The following CTR9 variants were observed in gnomAD, a reference collection of about 807,000 sequenced individuals.
CTR9 encodes the protein RNA polymerase-associated protein CTR9 homolog.
In CTR9, 41 loss-of-function variants were observed where a neutral mutation model predicts 152.1. The ratio of observed to expected loss-of-function variants is 0.27; its 90% CI spans 0.21 to 0.35. The LOEUF (loss-of-function observed/expected upper bound fraction) is 0.35, where lower values mean the gene tolerates loss of function less well. CTR9 is among the 10% of genes least tolerant of loss of function. The pLI is 1.00. For missense variants in CTR9, 917 were observed against 1,424.4 expected (o/e 0.64, Z 5.73); for synonymous variants, 476 against 496.2 (o/e 0.96, Z 0.54).
At chr11:10,760,782 T>G (rs1301546441) in intron 6 of CTR9, among the ~76,000 whole-genome samples, 2 of 152,108 alleles carry the variant, frequency 1.3e-5, no homozygotes, top group African/African-American at 2.4e-5. Context: ...GGTCTCAAAT[T>G]TGATAGGTCC....
chr11:10,769,022 A>G (rs1466737311), intron 16 of CTR9, among the ~76,000 whole-genome samples: 2 of 152,122 alleles, frequency 1.3e-5, no homozygotes, highest in Non-Finnish European at 2.9e-5. Context: ...GGAGTTCGAG[A>G]CCAGCCTGGC....
Position 10,763,933 on chromosome 11 carries a change from C to G in CTR9, c.1194+54C>G, listed in dbSNP as rs866714233. ...TTTTCTGTTAGCTGTCCCAAAACTC[C>G]CATTTCTCATTTCCTGTTATTGCTA... On this transcript the variant is annotated intron_variant, in intron 9 of 24. Transcript: ENST00000361367. The G allele has an allele frequency of 6.3e-6, 9 of 1,421,642 alleles. No individual in the cohort carries two copies. In the Middle Eastern group the frequency reaches 1.5e-3, roughly 231 times the overall value. The allele number at this position is 1,421,642 out of a possible 1,614,324, so 88.1% of individuals were successfully genotyped here. A position where few individuals can be genotyped will look rare whatever the true frequency, so the allele number is the denominator to read the frequency against.
At position 10,772,656 on chromosome 11, in the gene CTR9, G is replaced by A; in HGVS notation, c.2580+1G>A. ...AAGGCAGAAACTTCTTAAAGAACAG[G>A]TATCTTGTATTTTCCAGTTATACTG... On this transcript the variant is annotated splice_donor_variant, in intron 20 of 24. Transcript: ENST00000361367. LOFTEE classifies it high-confidence loss of function. 6.3e-7 allele frequency: 1 copy of A among 1,591,538 alleles called. No homozygotes were observed. Among genetic ancestry groups the A allele is most frequent in the Non-Finnish European group, 8.5e-7 (1 of 1,171,892 alleles).
intron 5 of CTR9, among the ~76,000 whole-genome samples, chr11:10,759,267 G>C (rs1045772976): frequency 6.6e-6 from 1 of 152,208 alleles, no homozygotes; most frequent in Non-Finnish European, 1.5e-5. Flanking sequence ...TAGGGTAAGT[G>C]CATTGTCTTT....
At chr11:10,769,247 A>G (rs1019859180) in intron 16 of CTR9, among the ~76,000 whole-genome samples, 47 of 152,182 alleles carry the variant, frequency 3.1e-4, no homozygotes, top group African/African-American at 1.1e-3. Flanking sequence ...AAAGAAAACA[A>G]AACAGCGATA....
In CTR9 at chr11:10,767,869, G is replaced by C; in HGVS notation, c.1750G>C (p.Gly584Arg). 6.2e-7 allele frequency: 1 copy of C among 1,614,030 alleles called. No homozygotes were observed. Among genetic ancestry groups the C allele is most frequent in the Non-Finnish European group, 8.5e-7 (1 of 1,179,980 alleles). ...LHLAKQEWGP[G>R]QKKFERILKQ... is the part of the protein sequence containing the mutation. ...TTTGGCAAAACAAGAATGGGGTCCT[G>C]GGCAGAAGAAGTTTGAGAGGATATT... Residue 584 changes from glycine to arginine, a missense_variant, in exon 14 of 25, where the codon GGG (glycine) becomes CGG (arginine). Around this residue, in one of 9 missense-constraint regions of CTR9, gnomAD observed 87 missense variants for 235.7 expected, o/e 0.37. Transcript: ENST00000361367. This position sits in a 1 kb window ranked among gnomAD's most constrained non-coding sequence, Gnocchi z 4.0.
Position 10,764,689 on chromosome 11 carries a change from C to T in CTR9, c.1555C>T (p.Leu519=), listed in dbSNP as rs777109871. 2.5e-6 allele frequency: 4 copies of T among 1,611,896 alleles called. No homozygotes were observed. Among genetic ancestry groups the T allele is most frequent in the Non-Finnish European group, 2.5e-6 (3 of 1,178,326 alleles). The change falls in exon 12 of 25, where the codon CTG becomes TTG. Residue 519 remains leucine (L), a synonymous_variant. Transcript: ENST00000361367. ...GTGTGAATTCCATGAAGCAGAAAAA[C>T]TGTATAAAAACATCTTACGCGAACA... ...AMCEFHEAEK[L]YKNILREHPN... is the part of the protein sequence containing the mutation.
At chr11:10,760,374 C>T (rs1413034241) in intron 6 of CTR9, 53 bp downstream of exon 6, 6 of 1,530,238 alleles carry the variant, frequency 3.9e-6, no homozygotes, top group East Asian at 4.5e-5. Flanking sequence ...AGGCCCACAG[C>T]CTCTTATCTA....
At chr11:10,768,993 C>T (rs1590024058) in intron 16 of CTR9, among the ~76,000 whole-genome samples, 1 of 149,778 alleles carries the variant, frequency 6.7e-6, no homozygotes, top group African/African-American at 2.5e-5. Context: ...GCGGCTGAGG[C>T]GGATGGATCA....
rs35023148 is a variant in CTR9 at position 10,779,032 on chromosome 11, A to G, written c.3449A>G (p.Glu1150Gly). The G allele has an allele frequency of 1.2e-3, 1,883 of 1,614,166 alleles. 9 individuals are homozygous for G. The Middle Eastern group carries it at 0.02, about 17-fold the overall frequency. ...GGTTCTGGCCAAGGCTCTGGAAATG[A>G]ATCGGAACCAGAGGGATCCAACAAT... is the stretch of plus-strand genomic sequence containing the variant. The part of the protein sequence containing the change: ...NEGSGQGSGN[E>G]SEPEGSNNEA... Residue 1150 changes from glutamate (E) to glycine (G), a missense_variant, in exon 25 of 25, where the codon GAA (glutamate) becomes GGA (glycine). Glu to Gly is a moderately conservative substitution (Grantham distance 98, BLOSUM62 -2). Transcript: ENST00000361367.
intron 5 of CTR9, among the ~76,000 whole-genome samples, chr11:10,757,105 T>G (rs1034714001): frequency 6.6e-6 from 1 of 151,028 alleles, no homozygotes; most frequent in Non-Finnish European, 1.5e-5. Flanking sequence ...GGCAACGTAG[T>G]AAGACCCTGT....
chr11:10,771,683 G>A (rs1361447925), intron 19 of CTR9, 67 bp downstream of exon 19: 12 of 1,128,726 alleles, frequency 1.1e-5, no homozygotes, highest in Non-Finnish European at 1.6e-5. Context: ...CTGGGAAAGT[G>A]CCACAGTAGG....
chr11:10,752,462 GGTTT>G (rs1862819782), intron 1 of CTR9, among the ~76,000 whole-genome samples: 1 of 152,146 alleles, frequency 6.6e-6, no homozygotes, highest in South Asian at 2.1e-4. Context: ...CAAGTAGCAG[GGTTT>G]GTTTGCTTCT....
At chr11:10,762,513 C>T (rs1470041755) in intron 7 of CTR9, among the ~76,000 whole-genome samples, 2 of 152,138 alleles carry the variant, frequency 1.3e-5, no homozygotes, top group South Asian at 2.1e-4. Context: ...ACACACAAAT[C>T]TATGAAATAG....
intron 17 of CTR9, 37 bp from the exon 18 acceptor site, chr11:10,770,450 C>G (rs769887585): frequency 1.2e-6 from 2 of 1,601,098 alleles, no homozygotes; most frequent in Non-Finnish European, 1.7e-6. Flanking sequence ...CTTTTCATGT[C>G]ATTTGAACAT....
rs116705038 is a variant in CTR9, at chr11:10,767,311, A to G, written c.1687-495A>G. 9.5e-3 allele frequency: 1,471 copies of G among 155,358 alleles called. 22 individuals carry two copies. The highest frequency in any genetic ancestry group is 0.033 in the African/African-American group (1,366 of 41,596). The allele number at this position is 155,358 out of a possible 1,614,324, so 9.6% of individuals were successfully genotyped here. On this transcript the variant is annotated intron_variant, in intron 13 of 24. Coordinates refer to ENST00000361367, the MANE Select transcript of CTR9 (RefSeq NM_014633.5). This position sits in a 1 kb window ranked among gnomAD's most constrained non-coding sequence, Gnocchi z 4.0. ...AGTTTAGTATTTTTGCCTGTTAGTG[A>G]TGGTTCCACGTTTGTAACGTTTTGG...
At chr11:10,757,658 T>C (rs1220990141) in intron 5 of CTR9, among the ~76,000 whole-genome samples, 1 of 152,218 alleles carries the variant, frequency 6.6e-6, no homozygotes, top group African/African-American at 2.4e-5. Flanking sequence ...ATGTCATTCA[T>C]GTAGCAAATT....
intron 18 of CTR9, among the ~76,000 whole-genome samples, chr11:10,770,907 T>C (rs995649231): frequency 6.6e-6 from 1 of 152,154 alleles, no homozygotes; most frequent in Non-Finnish European, 1.5e-5. Context: ...CTGGCTAGCT[T>C]TGCAAACTTG....
chr11:10,755,688 TG>T lies in CTR9; in HGVS notation c.398del (p.Gly133GlufsTer70). On this transcript the variant is annotated frameshift_variant, in exon 4 of 25. Coordinates refer to ENST00000361367, the MANE Select transcript of CTR9 (RefSeq NM_014633.5). LOFTEE classifies it high-confidence loss of function. ...TACATTACTTCATAGAACCATTTGT[TG>T]GGAAGAGCCTGCTTCTGCCTACTTG... ...KIIMYDQNHLLGRACFCLLEG... is the reference protein window; with the variant it reads ...KIIMYDQNHLXGRACFCLLEG... 6.2e-7 allele frequency: 1 copy of T among 1,608,110 alleles called. No individual in the cohort carries two copies. The highest frequency in any genetic ancestry group is 1.1e-5 in the South Asian group (1 of 90,832).
Sources: gnomAD v4.1 joint callset for allele counts (sites outside exome capture counted in the v4.1 genomes callset) on GRCh38, gnomAD v4.1.1 for gene constraint, gnomAD v4.1.1 regional missense constraint, Gnocchi (gnomAD v3.1) non-coding constraint, MANE v1.5 for transcripts, NCBI Gene and HGNC (gene_info 2026-07-23, HGNC 2026-07-21) for gene names.